Variants in ANKS4B observed in about 807,000 individuals in gnomAD.
The protein encoded by ANKS4B is ankyrin repeat and SAM domain-containing protein 4B.
A neutral mutation model predicts 20.2 loss-of-function variants in ANKS4B; 21 were observed. The observed-to-expected ratio is 1.04, with a 90% confidence interval of 0.74 to 1.50. ANKS4B has a LOEUF of 1.50. ANKS4B is among the 40% of genes most tolerant of loss of function. The pLI, the probability that ANKS4B is intolerant of heterozygous loss-of-function variation, is 0.00. For synonymous variants in ANKS4B, 179 were observed against 194.5 expected, an observed-to-expected ratio of 0.92 and a Z score of 0.66; for missense variants, 473 against 494.6, an observed-to-expected ratio of 0.96 and a Z score of 0.41.
intron 1 of ANKS4B, among the ~76,000 whole-genome samples, chr16:21,248,932 T>C (rs2093335529): frequency 6.6e-6 from 1 of 152,202 alleles, no homozygotes; most frequent in Non-Finnish European, 1.5e-5. Context: ...GATGTTACAT[T>C]GGTAGCTTGA....
In ANKS4B at chr16:21,250,744, A is replaced by T. The variant is rs768748340; in HGVS notation, c.1178A>T (p.Lys393Met). 1.9e-6 allele frequency: 3 copies of T among 1,609,780 alleles called. No individual in the cohort carries two copies. The South Asian group carries it at 3.3e-5, about 18-fold the overall frequency. Residue 393 changes from lysine to methionine, a missense_variant, in exon 2 of 2, where the codon AAG becomes ATG. Physicochemically the swap from Lys to Met is moderately conservative, Grantham distance 95 (BLOSUM62 -1). Transcript: ENST00000311620. ...QSIQMQLGPR[K>M]KVLNAINRRK... ...ATACAAATGCAGCTGGGTCCCAGGA[A>T]GAAAGTTCTGAATGCTATCAACAGG...
intron 1 of ANKS4B, among the ~76,000 whole-genome samples, chr16:21,245,785 C>T (rs570169190): frequency 6.6e-5 from 10 of 152,008 alleles, no homozygotes; most frequent in Non-Finnish European, 1.3e-4. Context: ...TTTTAAAAAC[C>T]CACAAGCATT....
At chr16:21,237,618 C>G (rs188220984) in intron 1 of ANKS4B, among the ~76,000 whole-genome samples, 1 of 151,842 alleles carries the variant, frequency 6.6e-6, no homozygotes, top group Non-Finnish European at 1.5e-5. Context: ...GGCAAATTCC[C>G]TGTGTCAAGT....
At chr16:21,246,217 C>A (rs1394722881) in intron 1 of ANKS4B, among the ~76,000 whole-genome samples, 1 of 152,074 alleles carries the variant, frequency 6.6e-6, no homozygotes, top group African/African-American at 2.4e-5. Context: ...TGGAATGGGA[C>A]TTTACATTTT....
chr16:21,247,053 G>T (rs1202486938), intron 1 of ANKS4B, among the ~76,000 whole-genome samples: 3 of 150,386 alleles, frequency 2.0e-5, no homozygotes, highest in Admixed American at 1.3e-4. Context: ...AGAGTCTTCT[G>T]TACTTTTTTT....
In ANKS4B at chr16:21,233,903, T is replaced by A. The variant is rs746909496; in HGVS notation, c.164+2T>A. ...CCTAGAGATAATCTGCAGTAGAGGG[T>A]AAGTTCAACCCGATGGTTTCTGTTG... On this transcript the variant is annotated splice_donor_variant, in intron 1 of 1. Transcript: ENST00000311620. LOFTEE classifies it high-confidence loss of function. 1.9e-6 allele frequency: 3 copies of A among 1,609,558 alleles called. No individual in the cohort carries two copies. In the Admixed American group the frequency reaches 5.0e-5, roughly 27 times the overall value.
At position 21,252,841 on chromosome 16, in the gene ANKS4B, T is replaced by A. The variant is rs1350537942; in HGVS notation, c.*2021T>A. On this transcript the variant is annotated 3_prime_UTR_variant, in exon 2 of 2. Coordinates refer to ENST00000311620, the MANE Select transcript of ANKS4B (RefSeq NM_145865.3). ...GAGTTCAAGACCAGCCTGGCCAACATGGCGGAAACCCGTCTCTACTAAAAA... is the reference window on the plus strand; with the variant it reads ...GAGTTCAAGACCAGCCTGGCCAACAAGGCGGAAACCCGTCTCTACTAAAAA... 6.6e-6 allele frequency: 1 copy of A among 152,026 alleles called. No homozygotes were observed. The highest frequency in any genetic ancestry group is 2.4e-5 in the African/African-American group (1 of 41,380). The allele number at this position is 152,026 out of a possible 1,614,324, so 9.4% of individuals were successfully genotyped here.
At chr16:21,240,335 C>T (rs779931015) in intron 1 of ANKS4B, among the ~76,000 whole-genome samples, 15 of 151,850 alleles carry the variant, frequency 9.9e-5, no homozygotes, top group Non-Finnish European at 2.1e-4. Context: ...GTCGCCCATC[C>T]TGGAGTGCAA....
In ANKS4B at chr16:21,249,836, C is replaced by T; in HGVS notation, c.270C>T (p.Asn90=). The T allele has an allele frequency of 6.2e-7, 1 of 1,614,214 alleles. No homozygotes were observed. Among genetic ancestry groups the T allele is most frequent in the Non-Finnish European group, 8.5e-7 (1 of 1,180,048 alleles). The part of the protein sequence containing the change: ...CVSFLVNFGA[N]IFALDNDLQT... Reference sequence around the variant, plus strand: ...CATTCCTGGTCAACTTTGGTGCCAACATCTTTGCCCTGGATAATGACTTAC... The same window carrying T: ...CATTCCTGGTCAACTTTGGTGCCAATATCTTTGCCCTGGATAATGACTTAC... Residue 90 remains asparagine (N), a synonymous_variant, in exon 2 of 2, where the codon AAC becomes AAT. Transcript: ENST00000311620.
chr16:21,244,510 T>C (rs2093330116), intron 1 of ANKS4B, among the ~76,000 whole-genome samples: 1 of 147,202 alleles, frequency 6.8e-6, no homozygotes, highest in Non-Finnish European at 1.5e-5. Flanking sequence ...TTAGTGCCCT[T>C]CTGCATCCCC....
chr16:21,235,592 A>G (rs542543012), intron 1 of ANKS4B, among the ~76,000 whole-genome samples: 1 of 152,300 alleles, frequency 6.6e-6, no homozygotes, highest in South Asian at 2.1e-4. Flanking sequence ...TAGGGTAGTG[A>G]CATTGGGAAT....
intron 1 of ANKS4B, among the ~76,000 whole-genome samples, chr16:21,243,269 T>G (rs1014249410): frequency 1.1e-4 from 16 of 152,140 alleles, no homozygotes; most frequent in African/African-American, 3.6e-4. Flanking sequence ...AAAAATGGGT[T>G]ATTTTAAAAT....
chr16:21,250,291 T>C lies in ANKS4B; in HGVS notation c.725T>C (p.Phe242Ser), dbSNP rs2093337488. 1.9e-6 allele frequency: 3 copies of C among 1,614,114 alleles called. No homozygotes were observed. Among genetic ancestry groups the C allele is most frequent in the Non-Finnish European group, 2.5e-6 (3 of 1,180,010 alleles). ...EVFREEEEDS[F>S]SGDFKEKLQL... ...TTCAGAGAGGAAGAGGAAGACTCGTTCTCAGGGGACTTCAAAGAGAAGCTC... is the reference window on the plus strand; with the variant it reads ...TTCAGAGAGGAAGAGGAAGACTCGTCCTCAGGGGACTTCAAAGAGAAGCTC... Residue 242 changes from phenylalanine (F) to serine (S), a missense_variant, in exon 2 of 2, where the codon TTC (phenylalanine) becomes TCC (serine). Transcript: ENST00000311620.
At chr16:21,249,526 GCT>G (rs2093336104) in intron 1 of ANKS4B, among the ~76,000 whole-genome samples, 2 of 152,154 alleles carry the variant, frequency 1.3e-5, no homozygotes, top group Non-Finnish European at 2.9e-5. Context: ...GTAGAGATGG[GCT>G]CTGTTTCTGG....
At position 21,251,310 on chromosome 16, in the gene ANKS4B, T is replaced by G. The variant is rs2093339224; in HGVS notation, c.*490T>G. 6.4e-6 allele frequency: 1 copy of G among 156,168 alleles called. No individual in the cohort carries two copies. The highest frequency in any genetic ancestry group is 1.4e-5 in the Non-Finnish European group (1 of 70,620). The allele number at this position is 156,168 out of a possible 1,614,324, so 9.7% of individuals were successfully genotyped here. A position where few individuals can be genotyped will look rare whatever the true frequency, so the allele number is the denominator to read the frequency against. Reference sequence around the variant, plus strand: ...TAGTAGAGGTGGGGTCTTGCCACATTGCCCAGGCTGGTCTCAAACTCCTGG... The same window carrying G: ...TAGTAGAGGTGGGGTCTTGCCACATGGCCCAGGCTGGTCTCAAACTCCTGG... On this transcript the variant is annotated 3_prime_UTR_variant, in exon 2 of 2. Transcript: ENST00000311620.
intron 1 of ANKS4B, 100 bp downstream of exon 1, chr16:21,234,001 C>A: frequency 1.7e-6 from 2 of 1,154,920 alleles, no homozygotes; most frequent in South Asian, 1.7e-5. Flanking sequence ...ACTTTATCCT[C>A]TTTCTAGATT....
chr16:21,250,726 T>G lies in ANKS4B; in HGVS notation c.1160T>G (p.Met387Arg), dbSNP rs185041256. ...CSDEDLQSIQ[M>R]QLGPRKKVLN... ...GATGAGGACCTTCAGAGCATACAAA[T>G]GCAGCTGGGTCCCAGGAAGAAAGTT... The change falls in exon 2 of 2, where the codon ATG becomes AGG. Residue 387 changes from methionine to arginine, a missense_variant. Met to Arg is a moderately conservative substitution (Grantham distance 91). Transcript: ENST00000311620. The G allele has an allele frequency of 1.9e-6, 3 of 1,610,002 alleles. No homozygotes were observed. In the East Asian group the frequency reaches 6.7e-5, roughly 36 times the overall value.
chr16:21,252,197 T>A lies in ANKS4B; in HGVS notation c.*1377T>A, dbSNP rs2093340410. On this transcript the variant is annotated 3_prime_UTR_variant, in exon 2 of 2. Coordinates refer to ENST00000311620, the MANE Select transcript of ANKS4B (RefSeq NM_145865.3). ...ATCCACCTGCCTCGGCCTCCCAGAG[T>A]GCTGGGATTACAGGCATGAGCCACT... is the stretch of plus-strand genomic sequence containing the variant. 1 of 152,310 alleles carries A rather than the reference T, an allele frequency of 6.6e-6. No homozygotes were observed. Among genetic ancestry groups the A allele is most frequent in the Non-Finnish European group, 1.5e-5 (1 of 68,312 alleles). The allele number at this position is 152,310 out of a possible 1,614,324, so 9.4% of individuals were successfully genotyped here.
chr16:21,248,906 C>CCAAACTCTG (rs1432940289), intron 1 of ANKS4B, among the ~76,000 whole-genome samples: 1 of 152,122 alleles, frequency 6.6e-6, no homozygotes, highest in Non-Finnish European at 1.5e-5. Flanking sequence ...TGTATCTCTT[C>CCAAACTCTG]CAAACTCTGT....
Sources: allele counts gnomAD v4.1 joint callset (sites outside exome capture counted in the v4.1 genomes callset), GRCh38; gene constraint gnomAD v4.1.1; transcripts MANE v1.5; gene names NCBI Gene and HGNC (gene_info 2026-07-23, HGNC 2026-07-21).